Variants in STPG1 observed in about 807,000 individuals in gnomAD.
STPG1 encodes O(6)-methylguanine-induced apoptosis 2.
A neutral mutation model predicts 40.1 loss-of-function variants in STPG1; 33 were observed. The ratio of observed to expected loss-of-function variants is 0.82; its 90% CI spans 0.62 to 1.10. The LOEUF is 1.10. STPG1 is among the 50% of genes least tolerant of loss of function. The pLI is 0.00. For missense variants in STPG1, 396 were observed against 415.1 expected, an observed-to-expected ratio of 0.95 and a Z score of 0.40; for synonymous variants, 150 against 155.0, an observed-to-expected ratio of 0.97 and a Z score of 0.24.
At chr1:24,366,222 A>G (rs1641452704) in intron 7 of STPG1, among the ~76,000 whole-genome samples, 1 of 152,192 alleles carries the variant, frequency 6.6e-6, no homozygotes, top group Non-Finnish European at 1.5e-5. Context: ...AGAAAGAAAC[A>G]TGGCGGCAAG....
intron 5 of STPG1, among the ~76,000 whole-genome samples, chr1:24,377,159 G>A (rs998557273): frequency 1.3e-5 from 2 of 152,020 alleles, no homozygotes; most frequent in African/African-American, 4.8e-5. Context: ...CCCAGCTGAG[G>A]CAGGAGAATT....
Position 24,403,429 on chromosome 1 carries a change from C to T in STPG1, c.-68-1973G>A, listed in dbSNP as rs180788624. 2.9e-3 allele frequency among the ~76,000 whole-genome samples: 446 copies of T among 152,094 alleles called. 3 individuals are homozygous for T. Among genetic ancestry groups the T allele is most frequent in the African/African-American group, 0.01 (416 of 41,522 alleles). ...TTTGTCTTATTTTTCAAAATTATTT[C>T]GACTATATTAGCTCTTGTACTAGCC... is the stretch of plus-strand genomic sequence containing the variant. On this transcript the variant is annotated intron_variant, in intron 1 of 8. Coordinates refer to ENST00000337248, the MANE Select transcript of STPG1 (RefSeq NM_001199013.2).
At chr1:24,363,616 G>C (rs879784358) in intron 7 of STPG1, among the ~76,000 whole-genome samples, 35 of 152,228 alleles carry the variant, frequency 2.3e-4, no homozygotes, top group Non-Finnish European at 3.8e-4. Flanking sequence ...AGATTGTTAG[G>C]AAGATTGTGC....
intron 1 of STPG1, among the ~76,000 whole-genome samples, chr1:24,402,240 C>T (rs1202684139): frequency 6.6e-6 from 1 of 151,992 alleles, no homozygotes. Context: ...CATAGACACT[C>T]TTTTTTCACT....
intron 8 of STPG1, 55 bp from the exon 9 acceptor site, chr1:24,358,674 G>C: frequency 7.2e-7 from 1 of 1,387,330 alleles, no homozygotes; most frequent in Non-Finnish European, 1.0e-6. Flanking sequence ...CATTGCTGCA[G>C]TCTCTGGCAT....
chr1:24,391,718 A>G, intron 2 of STPG1, 39 bp from the exon 3 acceptor site: 2 of 1,413,762 alleles, frequency 1.4e-6, no homozygotes, highest in Non-Finnish European at 1.9e-6. Context: ...AATGAATACA[A>G]AACAATGATT....
chr1:24,360,840 A>G lies in STPG1; in HGVS notation c.928+11T>C. On this transcript the variant is annotated intron_variant, in intron 8 of 8. Coordinates refer to ENST00000337248, the MANE Select transcript of STPG1 (RefSeq NM_001199013.2). The stretch of plus-strand genomic sequence containing the variant: ...TTTGGTTTTTACAATCATTTAAAAC[A>G]ATCCTCTGACCTGGGCCAGGCAGGC... 1 of 1,595,934 alleles carries G rather than the reference A, an allele frequency of 6.3e-7. No homozygotes were observed. The highest frequency in any genetic ancestry group is 8.5e-7 in the Non-Finnish European group (1 of 1,172,584).
At chr1:24,380,242 T>G (rs142411236) in intron 4 of STPG1, among the ~76,000 whole-genome samples, 62 of 152,304 alleles carry the variant, frequency 4.1e-4, no homozygotes, top group African/African-American at 1.4e-3. Flanking sequence ...TGATCTGAAC[T>G]GCCTAAGCAA....
intron 2 of STPG1, among the ~76,000 whole-genome samples, chr1:24,395,961 C>T (rs113084168): frequency 1.2e-3 from 168 of 145,030 alleles, no homozygotes; most frequent in Non-Finnish European, 2.1e-3. Flanking sequence ...CCAGCCTGAG[C>T]GACACAGCAA....
At chr1:24,395,699 T>TCAAAA (rs1412375338) in intron 2 of STPG1, among the ~76,000 whole-genome samples, 1 of 152,224 alleles carries the variant, frequency 6.6e-6, no homozygotes, top group African/African-American at 2.4e-5. Flanking sequence ...CTCAAAGTGC[T>TCAAAA]GGGATTACAG....
chr1:24,365,126 A>G (rs1369859024), intron 7 of STPG1, among the ~76,000 whole-genome samples: 1 of 152,164 alleles, frequency 6.6e-6, no homozygotes, highest in African/African-American at 2.4e-5. Context: ...GCTGCTTGGG[A>G]AGAAGCATCC....
intron 1 of STPG1, among the ~76,000 whole-genome samples, chr1:24,402,767 A>C (rs189737214): frequency 3.9e-4 from 60 of 151,952 alleles, no homozygotes; most frequent in East Asian, 1.7e-3. Context: ...ACAAAAAAAA[A>C]CAAAAAAACA....
chr1:24,401,560 T>C (rs763961314), intron 1 of STPG1, 104 bp from the exon 2 acceptor site: 28 of 636,544 alleles, frequency 4.4e-5, no homozygotes, highest in Non-Finnish European at 7.1e-5. Context: ...ATGGTGTGGG[T>C]GCCGGCTGAG....
intron 2 of STPG1, 162 bp downstream of exon 2, chr1:24,401,157 G>T: frequency 1.0e-5 from 5 of 481,392 alleles, no homozygotes; most frequent in Non-Finnish European, 1.9e-5. Flanking sequence ...CTTCCCAATC[G>T]TCACACTTGA....
chr1:24,365,576 G>A (rs1641402702), intron 7 of STPG1, among the ~76,000 whole-genome samples: 1 of 152,238 alleles, frequency 6.6e-6, no homozygotes, highest in African/African-American at 2.4e-5. Context: ...CTTTAGCTAA[G>A]GAGCTCAGAA....
chr1:24,374,207 G>A (rs1176180470), intron 5 of STPG1, among the ~76,000 whole-genome samples: 1 of 151,374 alleles, frequency 6.6e-6, no homozygotes, highest in Non-Finnish European at 1.5e-5. Flanking sequence ...CTGTCAGGGA[G>A]TGGGGGTGGC....
In STPG1 at chr1:24,401,314, T is replaced by A; in HGVS notation, c.70+5A>T. On this transcript the variant is annotated splice_donor_5th_base_variant and intron_variant, in intron 2 of 8. Coordinates refer to ENST00000337248, the MANE Select transcript of STPG1 (RefSeq NM_001199013.2). ...GCTATCTCCTCCCTGCAAAGACACA[T>A]GTACCTTTCTGTACTTCACTGGCAC... The A allele has an allele frequency of 1.9e-6, 3 of 1,613,890 alleles. No homozygotes were observed. The highest frequency in any genetic ancestry group is 2.5e-6 in the Non-Finnish European group (3 of 1,179,820).
intron 7 of STPG1, among the ~76,000 whole-genome samples, chr1:24,365,425 T>C (rs1265297506): frequency 6.6e-6 from 1 of 152,238 alleles, no homozygotes; most frequent in Non-Finnish European, 1.5e-5. Context: ...GAGTCATCAC[T>C]GTGACGGATA....
rs1217399416 is a variant in STPG1, at chr1:24,413,755, C to T, written c.-150G>A. The T allele has an allele frequency of 6.6e-6, 1 of 152,292 alleles. No homozygotes were observed. Among genetic ancestry groups the T allele is most frequent in the Non-Finnish European group, 1.5e-5 (1 of 68,090 alleles). 9.4% of individuals were successfully genotyped at this position (152,292 alleles called of 1,614,324 possible). On this transcript the variant is annotated 5_prime_UTR_variant, in exon 1 of 9. Transcript: ENST00000337248. Reference sequence around the variant, plus strand: ...CCCACAGGCCTAACATTCGCGAGTCCACCTTCCGCCGTCCGCGAGGTAACT... The same window carrying T: ...CCCACAGGCCTAACATTCGCGAGTCTACCTTCCGCCGTCCGCGAGGTAACT...
Sources: allele counts gnomAD v4.1 joint callset (sites outside exome capture counted in the v4.1 genomes callset), GRCh38; gene constraint gnomAD v4.1.1; transcripts MANE v1.5; gene names NCBI Gene and HGNC (gene_info 2026-07-23, HGNC 2026-07-21).